Variants in MRPL20 observed in about 807,000 individuals in gnomAD.
The protein encoded by MRPL20 is large ribosomal subunit protein bL20m.
In MRPL20, 21 loss-of-function variants were observed where a neutral mutation model predicts 20.0. That is an observed-to-expected ratio of 1.05 (90% CI 0.74 to 1.51). The LOEUF is 1.51. Ranked by LOEUF, MRPL20 falls within the 40% of genes most tolerant of loss-of-function variation. MRPL20 has a pLI of 0.00. For missense variants in MRPL20, 252 were observed against 185.6 expected (o/e 1.36, Z -2.08); for synonymous variants, 104 against 73.0 (o/e 1.43, Z -2.17).
intron 3 of MRPL20, 149 bp downstream of exon 3, chr1:1,405,658 CAT>C: frequency 7.3e-7 from 1 of 1,361,614 alleles, no homozygotes; most frequent in Non-Finnish European, 1.0e-6. Context: ...ACCCCATCAG[CAT>C]AGCAAACTAC....
In MRPL20 at chr1:1,406,905, T is replaced by C; in HGVS notation, c.198+4A>G. Reference sequence around the variant, plus strand: ...GCCGGCGGGTGTCCCGGGTCCACGCTTACGGTCCTCATGTTCTTTTTCTTC... The same window carrying C: ...GCCGGCGGGTGTCCCGGGTCCACGCCTACGGTCCTCATGTTCTTTTTCTTC... On this transcript the variant is annotated splice_donor_region_variant and intron_variant, in intron 2 of 3. Coordinates refer to ENST00000344843, the MANE Select transcript of MRPL20 (RefSeq NM_017971.4). 1 of 1,611,518 alleles carries C rather than the reference T, an allele frequency of 6.2e-7. No individual in the cohort carries two copies. Among genetic ancestry groups the C allele is most frequent in the Non-Finnish European group, 8.5e-7 (1 of 1,177,838 alleles).
chr1:1,406,267 C>A (rs547925718), intron 2 of MRPL20: 3 of 202,836 alleles, frequency 1.5e-5, no homozygotes, highest in African/African-American at 7.1e-5. Context: ...GGGAAAATCG[C>A]TTGAACCCGG....
Position 1,407,292 on chromosome 1 carries a change from A to G in MRPL20, c.-75T>C. The G allele has an allele frequency of 7.4e-7, 1 of 1,359,274 alleles. No homozygotes were observed. The highest frequency in any genetic ancestry group is 1.2e-5 in the South Asian group (1 of 80,116). The allele number at this position is 1,359,274 out of a possible 1,614,324, so 84.2% of individuals were successfully genotyped here. ...CGCTGCCATCTTGCCCGGGTCGGAA[A>G]TGGTGGTCACGAGCGCTTCCGGGTC... On this transcript the variant is annotated 5_prime_UTR_variant, in exon 1 of 4. Coordinates refer to ENST00000344843, the MANE Select transcript of MRPL20 (RefSeq NM_017971.4).
rs775521186 is a variant in MRPL20 at position 1,407,063 on chromosome 1, GCCGGCCGCCCCTTGGCCCGCGGGATACC to G, written c.87+40_88-45del. 285 of 1,609,624 alleles carry G rather than the reference GCCGGCCGCCCCTTGGCCCGCGGGATACC, an allele frequency of 1.8e-4. No individual in the cohort carries two copies. In the African/African-American group the frequency reaches 3.4e-3, roughly 19 times the overall value. The stretch of plus-strand genomic sequence containing the variant: ...AACCAGGGTTGTCAGCGGGGCCCGC[GCCGGCCGCCCCTTGGCCCGCGGGATACC>G]CCGGGCGCCCAGTGCCCAGGCCGGG... On this transcript the variant is annotated intron_variant, in intron 1 of 3. Coordinates refer to ENST00000344843, the MANE Select transcript of MRPL20 (RefSeq NM_017971.4).
In MRPL20 at chr1:1,407,012, C is replaced by T; in HGVS notation, c.95G>A (p.Arg32Gln). The change falls in exon 2 of 4, where the codon CGG becomes CAG. Residue 32 changes from arginine (R) to glutamine (Q), a missense_variant. Transcript: ENST00000344843. Reference sequence around the variant, plus strand: ...CCTGTAGCAGCGATTTTTCCTTCCCCGGAAGTGCTGGGACAGAAAACGAGA... The same window carrying T: ...CCTGTAGCAGCGATTTTTCCTTCCCTGGAAGTGCTGGGACAGAAAACGAGA... ...QEVLKHARHF[R>Q]GRKNRCYRLA... 2 of 1,613,632 alleles carry T rather than the reference C, an allele frequency of 1.2e-6. No individual in the cohort carries two copies. Among genetic ancestry groups the T allele is most frequent in the Non-Finnish European group, 1.7e-6 (2 of 1,179,576 alleles).
In MRPL20 at chr1:1,402,249, A is replaced by T. The variant is rs1209300581; in HGVS notation, c.284T>A (p.Val95Glu). 1 of 1,607,956 alleles carries T rather than the reference A, an allele frequency of 6.2e-7. No individual in the cohort carries two copies. Among genetic ancestry groups the T allele is most frequent in the Non-Finnish European group, 8.5e-7 (1 of 1,177,228 alleles). ...CGCTAGGACTTTCCTGTTGAGCTCCACCTGGCACTGAAAAAAGAATGAATC... is the reference window on the plus strand; with the variant it reads ...CGCTAGGACTTTCCTGTTGAGCTCCTCCTGGCACTGAAAAAAGAATGAATC... ...ALIGNLVKCQVELNRKVLADL... is the reference protein window; with the variant it reads ...ALIGNLVKCQEELNRKVLADL... Residue 95 changes from valine (V) to glutamate (E), a missense_variant, in exon 4 of 4, where the codon GTG becomes GAG. By Grantham distance (121) the Val-to-Glu change is moderately radical. Transcript: ENST00000344843.
Position 1,407,213 on chromosome 1 carries a change from A to G in MRPL20, c.5T>C (p.Val2Ala). 1 of 1,600,848 alleles carries G rather than the reference A, an allele frequency of 6.2e-7. No individual in the cohort carries two copies. The highest frequency in any genetic ancestry group is 1.1e-5 in the South Asian group (1 of 89,766). M[V>A]FLTAQLWLRN... ...CAGCCAGAGCTGCGCGGTGAGGAAGACCATGGCGCCTGCAGGCCGGCGTCC... is the reference window on the plus strand; with the variant it reads ...CAGCCAGAGCTGCGCGGTGAGGAAGGCCATGGCGCCTGCAGGCCGGCGTCC... Residue 2 changes from valine (V) to alanine (A), a missense_variant, in exon 1 of 4, where the codon GTC (valine) becomes GCC (alanine). Val to Ala is a moderately conservative substitution (Grantham distance 64, BLOSUM62 0). Coordinates refer to ENST00000344843, the MANE Select transcript of MRPL20 (RefSeq NM_017971.4).
chr1:1,406,568 T>C (rs1173171407), intron 2 of MRPL20: 1 of 358,814 alleles, frequency 2.8e-6, no homozygotes, highest in African/African-American at 2.1e-5. Flanking sequence ...GGCAAGGGGC[T>C]GGGTTGACTT....
At chr1:1,406,064 G>A in intron 2 of MRPL20, 178 bp from the exon 3 acceptor site, 1 of 920,352 alleles carries the variant, frequency 1.1e-6, no homozygotes. Context: ...ATTAAAAACA[G>A]CAAAAACCCA....
At chr1:1,404,988 G>A (rs992440620) in intron 3 of MRPL20, 1 of 152,120 alleles carries the variant, frequency 6.6e-6, no homozygotes, top group Non-Finnish European at 1.5e-5. Flanking sequence ...TGATGGGAGG[G>A]TTTGATTTAT....
At chr1:1,404,027 CAG>C (rs1557750327) in intron 3 of MRPL20, among the ~76,000 whole-genome samples, 3 of 149,368 alleles carry the variant, frequency 2.0e-5, no homozygotes, top group East Asian at 2.0e-4. Context: ...TGAATAGAGA[CAG>C]AGTTTTACCA....
intron 1 of MRPL20, 31 bp from the exon 2 acceptor site, chr1:1,407,050 C>T: frequency 6.2e-7 from 1 of 1,611,162 alleles, no homozygotes; most frequent in Non-Finnish European, 8.5e-7. Context: ...CCAGGGTTGT[C>T]AGCGGGGCCC....
chr1:1,402,329 G>A, intron 3 of MRPL20, 73 bp from the exon 4 acceptor site: 1 of 1,512,544 alleles, frequency 6.6e-7, no homozygotes, highest in Non-Finnish European at 8.8e-7. Flanking sequence ...TTGCGGCGCT[G>A]GCTCAGGAAG....
Position 1,401,953 on chromosome 1 carries a change from T to C in MRPL20, c.*130A>G. On this transcript the variant is annotated 3_prime_UTR_variant, in exon 4 of 4. Coordinates refer to ENST00000344843, the MANE Select transcript of MRPL20 (RefSeq NM_017971.4). Reference sequence around the variant, plus strand: ...ATTCACACAAAACATGGACATCATCTGTGAGGCTCTGTCCCAGAGAGACAG... The same window carrying C: ...ATTCACACAAAACATGGACATCATCCGTGAGGCTCTGTCCCAGAGAGACAG... 9.6e-7 allele frequency: 1 copy of C among 1,040,018 alleles called. No homozygotes were observed. The highest frequency in any genetic ancestry group is 2.6e-4 in the Middle Eastern group (1 of 3,786). 64.4% of individuals were successfully genotyped at this position (1,040,018 alleles called of 1,614,324 possible). A position where few individuals can be genotyped will look rare whatever the true frequency, so the allele number is the denominator to read the frequency against.
chr1:1,403,248 T>G (rs926012599), intron 3 of MRPL20, among the ~76,000 whole-genome samples: 2 of 152,026 alleles, frequency 1.3e-5, no homozygotes, highest in Non-Finnish European at 2.9e-5. Context: ...CTCCTTTCTT[T>G]CTTTCTTTTT....
chr1:1,406,591 G>T, intron 2 of MRPL20: 1 of 392,524 alleles, frequency 2.5e-6, no homozygotes, highest in Non-Finnish European at 4.8e-6. Flanking sequence ...GCTGCCAAAG[G>T]GAAGGGAAGC....
chr1:1,404,059 G>C (rs944868194), intron 3 of MRPL20, among the ~76,000 whole-genome samples: 10 of 151,090 alleles, frequency 6.6e-5, no homozygotes, highest in African/African-American at 2.4e-4. Context: ...GGCTGCTGTC[G>C]AACTCCTGAT....
At chr1:1,404,344 C>CG (rs933310880) in intron 3 of MRPL20, among the ~76,000 whole-genome samples, 2 of 151,184 alleles carry the variant, frequency 1.3e-5, no homozygotes, top group African/African-American at 2.4e-5. Flanking sequence ...TTAGTAGAGT[C>CG]GGGGTTTCAC....
rs746488936 is a variant in MRPL20, at chr1:1,407,245, C to T, written c.-28G>A. On this transcript the variant is annotated 5_prime_UTR_variant, in exon 1 of 4. It adds an upstream start codon to the 5' untranslated region. Transcript: ENST00000344843. The stretch of plus-strand genomic sequence containing the variant: ...CGCCTGCAGGCCGGCGTCCCGAACA[C>T]TCAACAACGCACGCGCAGCGCCGCT... 4.5e-6 allele frequency: 7 copies of T among 1,554,656 alleles called. 1 individual carries two copies. In the South Asian group the frequency reaches 5.8e-5, roughly 13 times the overall value.
Sources: allele counts gnomAD v4.1 joint callset (sites outside exome capture counted in the v4.1 genomes callset), GRCh38; gene constraint gnomAD v4.1.1; transcripts MANE v1.5; gene names NCBI Gene and HGNC (gene_info 2026-07-23, HGNC 2026-07-21).